Variants in SLC2A11 observed in about 807,000 individuals in gnomAD.
SLC2A11 encodes solute carrier family 2, facilitated glucose transporter member 11.
In SLC2A11, 43 loss-of-function variants were observed where a neutral mutation model predicts 52.1. The observed-to-expected ratio is 0.82, with a 90% CI of 0.65 to 1.06. SLC2A11 has a LOEUF of 1.06. Among genes scored for constraint, SLC2A11 ranks in the 50% least tolerant of loss-of-function variants. The probability of loss-of-function intolerance (pLI) is 0.00; values close to 1 mark genes in which losing one functional copy is unlikely to be tolerated. For missense variants in SLC2A11, 582 were observed against 654.2 expected (o/e 0.89, Z 1.20); for synonymous variants, 261 against 277.6 (o/e 0.94, Z 0.59).
chr22:23,857,587 C>T, upstream of SLC2A11: 2 of 1,451,828 alleles, frequency 1.4e-6, no homozygotes, highest in Admixed American at 1.9e-5. Flanking sequence ...ACCCCCCCCC[C>T]GCGGCGGCGA....
chr22:23,883,855 T>C lies in SLC2A11; in HGVS notation c.1077T>C (p.Thr359=). 1 of 1,596,306 alleles carries C rather than the reference T, an allele frequency of 6.3e-7. No individual in the cohort carries two copies. The highest frequency in any genetic ancestry group is 8.5e-7 in the Non-Finnish European group (1 of 1,174,300). Residue 359 remains threonine, a synonymous_variant, in exon 9 of 12, where the codon ACT becomes ACC. Coordinates refer to ENST00000316185, the MANE Select transcript of SLC2A11 (RefSeq NM_001024939.4). The stretch of plus-strand genomic sequence containing the variant: ...TGACCTGCTGGGGGAGCATCTTCAC[T>C]GTGGCCCTGTGCCTGCAGGTAGCTG... ...SLMTCWGSIF[T]VALCLQSSFP...
Position 23,883,787 on chromosome 22 carries a change from A to ATCT in SLC2A11, c.1009_1010insTCT (p.Arg337delinsIleTrp). 6.5e-7 allele frequency: 1 copy of ATCT among 1,540,360 alleles called. No individual in the cohort carries two copies. Among genetic ancestry groups the ATCT allele is most frequent in the Non-Finnish European group, 8.7e-7 (1 of 1,146,942 alleles). The stretch of plus-strand genomic sequence containing the variant: ...GCCTTTGCAGTGTGTGGTAATCGAG[A>ATCT]GGGTGGGTCGGCGCGTGCTGCTCAT... On this transcript the variant is annotated protein_altering_variant, in exon 9 of 12. Transcript: ENST00000316185.
chr22:23,882,938 C>G, intron 8 of SLC2A11, 69 bp downstream of exon 8: 1 of 1,331,474 alleles, frequency 7.5e-7, no homozygotes, highest in Non-Finnish European at 1.1e-6. Context: ...CTGCATTAAA[C>G]CAGTTTACAC....
At chr22:23,883,040 C>T (rs757576742) in intron 8 of SLC2A11, 171 bp downstream of exon 8, 5 of 708,660 alleles carry the variant, frequency 7.1e-6, no homozygotes, top group Non-Finnish European at 1.3e-5. Flanking sequence ...GTGGGTGGAT[C>T]ACAAGGTCAG....
Position 23,884,803 on chromosome 22 carries a change from G to A in SLC2A11, c.1454G>A (p.Gly485Asp), listed in dbSNP as rs753987822. The change falls in exon 12 of 12, where the codon GGC (glycine) becomes GAC (aspartate). Residue 485 changes from glycine (G) to aspartate (D), a missense_variant. Transcript: ENST00000316185. This position sits in a 1 kb window ranked among gnomAD's most constrained non-coding sequence, Gnocchi z 4.3. ...HRLNFPRRAQ[G>D]PTWRSLEVIQ... ...CTCAACTTCCCCAGGCGGGCCCAGG[G>A]CCCCACGTGGAGGAGCCTGGAGGTT... 29 of 1,614,048 alleles carry A rather than the reference G, an allele frequency of 1.8e-5. No homozygotes were observed. Among genetic ancestry groups the A allele is most frequent in the Non-Finnish European group, 2.3e-5 (27 of 1,180,028 alleles).
intron 2 of SLC2A11, chr22:23,868,167 A>G: frequency 2.4e-6 from 1 of 409,110 alleles, no homozygotes; most frequent in Non-Finnish European, 4.5e-6. Flanking sequence ...TGATGTGGGA[A>G]AATATCCACA....
At chr22:23,867,664 C>T (rs2032315232) in intron 2 of SLC2A11, 5 of 470,086 alleles carry the variant, frequency 1.1e-5, no homozygotes, top group Admixed American at 9.4e-5. Flanking sequence ...AATGTTCAGC[C>T]CCACTCACGG....
intron 3 of SLC2A11, among the ~76,000 whole-genome samples, chr22:23,874,248 C>G (rs2032544672): frequency 6.6e-6 from 1 of 152,174 alleles, no homozygotes; most frequent in Non-Finnish European, 1.5e-5. Flanking sequence ...TGTTCTTCCT[C>G]CCTGGAGTTT....
In SLC2A11 at chr22:23,875,108, TC is replaced by T; in HGVS notation, c.291-4del. 6.4e-7 allele frequency: 1 copy of T among 1,565,216 alleles called. No individual in the cohort carries two copies. The highest frequency in any genetic ancestry group is 1.2e-5 in the South Asian group (1 of 84,444). ...AGCCTCTCTTTCTGTGTGTTTCACT[TC>T]CCCCAAGGAAGAAGTCCCTCCTGGT... On this transcript the variant is annotated splice_region_variant and splice_polypyrimidine_tract_variant and intron_variant, in intron 3 of 11. Coordinates refer to ENST00000316185, the MANE Select transcript of SLC2A11 (RefSeq NM_001024939.4).
chr22:23,864,300 G>A (rs929377726), intron 2 of SLC2A11, among the ~76,000 whole-genome samples: 3 of 152,128 alleles, frequency 2.0e-5, no homozygotes, highest in Non-Finnish European at 4.4e-5. Flanking sequence ...GGAGATCTGA[G>A]CTGGCTGCGT....
At chr22:23,857,866 C>A, upstream of SLC2A11, 1 of 1,532,594 alleles carries the variant, frequency 6.5e-7, no homozygotes, top group Non-Finnish European at 8.8e-7. Flanking sequence ...ACTGCGCGTG[C>A]GCTAGCGCCT....
At chr22:23,857,442 G>T, upstream of SLC2A11, 1 of 1,612,584 alleles carries the variant, frequency 6.2e-7, no homozygotes, top group East Asian at 2.2e-5. Flanking sequence ...GGGCTTAGCC[G>T]AGTAAGGAGT....
At chr22:23,858,438 G>T (rs1057251739) in intron 1 of SLC2A11, among the ~76,000 whole-genome samples, 19 of 152,178 alleles carry the variant, frequency 1.2e-4, no homozygotes, top group African/African-American at 4.6e-4. Flanking sequence ...GAGGGAAAGG[G>T]CGCAGCCAGA....
At chr22:23,861,044 AC>A (rs2032039344) in intron 1 of SLC2A11, among the ~76,000 whole-genome samples, 2 of 151,204 alleles carry the variant, frequency 1.3e-5, no homozygotes, top group African/African-American at 4.9e-5. Flanking sequence ...GCGGGATTTC[AC>A]CGTGTTAGCC....
chr22:23,884,782 A>G lies in SLC2A11; in HGVS notation c.1433A>G (p.Asn478Ser), dbSNP rs769484328. 3 of 1,614,156 alleles carry G rather than the reference A, an allele frequency of 1.9e-6. No individual in the cohort carries two copies. The highest frequency in any genetic ancestry group is 1.1e-5 in the South Asian group (1 of 91,078). ...QEISKELHRL[N>S]FPRRAQGPTW... The stretch of plus-strand genomic sequence containing the variant: ...ATCTCCAAGGAATTACACAGACTCA[A>G]CTTCCCCAGGCGGGCCCAGGGCCCC... Residue 478 changes from asparagine to serine, a missense_variant, in exon 12 of 12, where the codon AAC becomes AGC. Asn to Ser is a conservative substitution (Grantham distance 46). Transcript: ENST00000316185. The surrounding 1 kb of genome is among the most constrained non-coding windows in gnomAD (Gnocchi z 4.3).
rs1435519588 is a variant in SLC2A11, at chr22:23,882,843, T to A, written c.967T>A (p.Cys323Ser). 1 of 1,613,304 alleles carries A rather than the reference T, an allele frequency of 6.2e-7. No individual in the cohort carries two copies. Among genetic ancestry groups the A allele is most frequent in the Non-Finnish European group, 8.5e-7 (1 of 1,179,712 alleles). ...GTACGCGATCATCGGGACTGGGAGCTGCGAGCTGCTCACGGCGGTTGTTAG... is the reference window on the plus strand; with the variant it reads ...GTACGCGATCATCGGGACTGGGAGCAGCGAGCTGCTCACGGCGGTTGTTAG... ...IQYAIIGTGS[C>S]ELLTAVVSCV... The change falls in exon 8 of 12, where the codon TGC becomes AGC. Residue 323 changes from cysteine to serine, a missense_variant. By Grantham distance (112) the Cys-to-Ser change is moderately radical. Coordinates refer to ENST00000316185, the MANE Select transcript of SLC2A11 (RefSeq NM_001024939.4).
At position 23,857,924 on chromosome 22, in the gene SLC2A11, T is replaced by G. The variant is rs17550723; in HGVS notation, c.-76T>G. The G allele has an allele frequency of 1.1e-5, 18 of 1,588,612 alleles. No homozygotes were observed. The African/African-American group carries it at 1.3e-4, about 12-fold the overall frequency. On this transcript the variant is annotated 5_prime_UTR_variant, in exon 1 of 12. Coordinates refer to ENST00000316185, the MANE Select transcript of SLC2A11 (RefSeq NM_001024939.4). ...GCTGCCCTTCCCTCCGCGCACAGGC[T>G]GCCGGCTCACCGCTTGCTAATGGCA...
At chr22:23,857,667 A>G (rs949560162), upstream of SLC2A11, 5 of 1,100,964 alleles carry the variant, frequency 4.5e-6, no homozygotes, top group African/African-American at 1.6e-5. Context: ...GAGTCCGCGC[A>G]TGCGCCTCAG....
At chr22:23,881,827 AAC>A (rs1190852055) in intron 6 of SLC2A11, 28 of 128,476 alleles carry the variant, frequency 2.2e-4, no homozygotes, top group South Asian at 7.3e-4. Context: ...GAGAGAGAGA[AAC>A]ACACACACAC....
Sources: gnomAD v4.1 joint callset for allele counts (sites outside exome capture counted in the v4.1 genomes callset) on GRCh38, gnomAD v4.1.1 for gene constraint, Gnocchi (gnomAD v3.1) non-coding constraint, MANE v1.5 for transcripts, NCBI Gene and HGNC (gene_info 2026-07-23, HGNC 2026-07-21) for gene names.